NEDD4L: variants seen among roughly 807,000 people sequenced by gnomAD.
The protein encoded by NEDD4L is NEDD4 like E3 ubiquitin protein ligase.
In NEDD4L, 54 loss-of-function variants were observed where a neutral mutation model predicts 148.9. The observed-to-expected ratio is 0.36, with a 90% confidence interval of 0.29 to 0.45. The LOEUF (loss-of-function observed/expected upper bound fraction) is 0.45, where lower values mean the gene tolerates loss of function less well. Among genes scored for constraint, NEDD4L ranks in the 20% least tolerant of loss-of-function variants. NEDD4L has a pLI of 1.00. For missense variants in NEDD4L, 856 were observed against 1,233.8 expected, an observed-to-expected ratio of 0.69 and a Z score of 4.59; for synonymous variants, 433 against 440.7, an observed-to-expected ratio of 0.98 and a Z score of 0.22.
At chr18:58,046,202 G>C (rs189150295) in intron 1 of NEDD4L, among the ~76,000 whole-genome samples, 8 of 152,264 alleles carry the variant, frequency 5.3e-5, no homozygotes, top group Admixed American at 1.3e-4. Flanking sequence ...TTCCCGTTTT[G>C]TGTAACTACC....
At chr18:58,194,503 G>A (rs2040453818) in intron 2 of NEDD4L, among the ~76,000 whole-genome samples, 1 of 152,144 alleles carries the variant, frequency 6.6e-6, no homozygotes, top group Admixed American at 6.5e-5. Flanking sequence ...CAACACTCTT[G>A]GCTCTTAAAA....
chr18:58,274,014 ACG>A (rs2051478299), intron 5 of NEDD4L, among the ~76,000 whole-genome samples: 1 of 151,884 alleles, frequency 6.6e-6, no homozygotes, highest in Non-Finnish European at 1.5e-5. Flanking sequence ...CCCTTTCTAC[ACG>A]TAGCCTTTCA....
intron 2 of NEDD4L, among the ~76,000 whole-genome samples, chr18:58,232,616 T>G (rs191185451): frequency 3.2e-4 from 49 of 152,336 alleles, no homozygotes; most frequent in African/African-American, 1.2e-3. Context: ...TGTGTCGGGA[T>G]ATAGGGGGCA....
At position 58,154,714 on chromosome 18, in the gene NEDD4L, G is replaced by A. The variant is rs117256093; in HGVS notation, c.49-11074G>A. ...AGGCACGAGAATCGCTTGAACCCAG[G>A]GAGGCGGAGGTTGTAGTGATCCAAG... On this transcript the variant is annotated intron_variant, in intron 1 of 30. Transcript: ENST00000400345. Among the ~76,000 whole-genome samples, 445 of 152,318 alleles carry A rather than the reference G, an allele frequency of 2.9e-3. 1 individual carries two copies. Among genetic ancestry groups the A allele is most frequent in the Non-Finnish European group, 4.8e-3 (324 of 68,028 alleles).
Position 58,195,991 on chromosome 18 carries a change from T to C in NEDD4L, c.122+30130T>C, listed in dbSNP as rs563742921. Among the ~76,000 whole-genome samples the C allele has an allele frequency of 3.9e-5, 6 of 152,370 alleles. No individual in the cohort carries two copies. The East Asian group carries it at 1.2e-3, about 29-fold the overall frequency. On this transcript the variant is annotated intron_variant, in intron 2 of 30. Coordinates refer to ENST00000400345, the MANE Select transcript of NEDD4L (RefSeq NM_001144967.3). ...ATCATCTTGTTTCTAACCTCTTTTC[T>C]TCAGGGTGGTGCAGTCAAAAATTAC...
At chr18:58,336,269 C>T (rs773514384) in intron 13 of NEDD4L, among the ~76,000 whole-genome samples, 1 of 152,170 alleles carries the variant, frequency 6.6e-6, no homozygotes, top group African/African-American at 2.4e-5. Context: ...ATGCTTCGCA[C>T]TGCAATAGCT....
At chr18:58,152,312 G>A (rs1457436993) in intron 1 of NEDD4L, among the ~76,000 whole-genome samples, 1 of 152,190 alleles carries the variant, frequency 6.6e-6, no homozygotes, top group Non-Finnish European at 1.5e-5. Context: ...ACAGTTCCAG[G>A]TGCTCTTCCA....
intron 19 of NEDD4L, 151 bp from the exon 20 acceptor site, chr18:58,364,117 G>C: frequency 1.6e-6 from 1 of 631,390 alleles, no homozygotes; most frequent in South Asian, 1.8e-5. Context: ...CCCCTGTGCT[G>C]TGTAGACATT....
At chr18:58,175,456 A>G (rs1303442909) in intron 2 of NEDD4L, among the ~76,000 whole-genome samples, 2 of 151,634 alleles carry the variant, frequency 1.3e-5, no homozygotes, top group Non-Finnish European at 2.9e-5. Context: ...TTCCTCCCCC[A>G]TTGAGGAGCA....
intron 1 of NEDD4L, among the ~76,000 whole-genome samples, chr18:58,056,996 A>G (rs2082117430): frequency 1.3e-5 from 2 of 150,056 alleles, no homozygotes; most frequent in African/African-American, 4.9e-5. Context: ...CAGGGCCCAC[A>G]GAGGCTGAGA....
intron 5 of NEDD4L, among the ~76,000 whole-genome samples, chr18:58,264,195 C>T (rs2049884773): frequency 6.6e-6 from 1 of 151,846 alleles, no homozygotes; most frequent in Non-Finnish European, 1.5e-5. Context: ...TTATAAAATC[C>T]AGAAACGATG....
Position 58,256,142 on chromosome 18 carries a change from G to T in NEDD4L, c.297+4088G>T, listed in dbSNP as rs1175319060. 1.1e-4 allele frequency: 139 copies of T among 1,223,250 alleles called. No individual in the cohort carries two copies. Among genetic ancestry groups the T allele is most frequent in the Non-Finnish European group, 1.4e-4 (134 of 982,686 alleles). 75.8% of individuals were successfully genotyped at this position (1,223,250 alleles called of 1,614,324 possible). A position where few individuals can be genotyped will look rare whatever the true frequency, so the allele number is the denominator to read the frequency against. ...CCGGGACCCAGGGCTCCAGGTCAAC[G>T]GCACGTGCGGCCGCCGCGTGCGGTG... On this transcript the variant is annotated intron_variant, in intron 5 of 30. Transcript: ENST00000400345. This position sits in a 1 kb window ranked among gnomAD's most constrained non-coding sequence, Gnocchi z 5.2.
At chr18:58,059,228 C>T (rs2082219059) in intron 1 of NEDD4L, among the ~76,000 whole-genome samples, 1 of 152,076 alleles carries the variant, frequency 6.6e-6, no homozygotes, top group Non-Finnish European at 1.5e-5. Flanking sequence ...CGTGCTCAGC[C>T]CCTCCTCCTA....
chr18:58,291,927 C>A (rs1237349045), intron 5 of NEDD4L, among the ~76,000 whole-genome samples: 1 of 152,164 alleles, frequency 6.6e-6, no homozygotes, highest in Non-Finnish European at 1.5e-5. Flanking sequence ...GAAAAGCAAC[C>A]CCAGTTCTCT....
intron 1 of NEDD4L, among the ~76,000 whole-genome samples, chr18:58,149,745 A>G (rs138437587): frequency 2.0e-3 from 299 of 152,308 alleles, no homozygotes; most frequent in African/African-American, 5.7e-3. Flanking sequence ...TTCAAACCTC[A>G]GGGTTTATTT....
intron 2 of NEDD4L, among the ~76,000 whole-genome samples, chr18:58,173,040 G>C (rs1003862291): frequency 1.3e-5 from 2 of 152,118 alleles, no homozygotes; most frequent in African/African-American, 4.8e-5. Context: ...TTTAGAATAG[G>C]TATATTTTGC....
intron 2 of NEDD4L, among the ~76,000 whole-genome samples, chr18:58,218,135 T>TA (rs2043339358): frequency 6.6e-6 from 1 of 152,268 alleles, no homozygotes; most frequent in Non-Finnish European, 1.5e-5. Context: ...ATGCTTTTCT[T>TA]ATTCCTTTTG....
At chr18:58,233,744 G>A (rs1378624028) in intron 2 of NEDD4L, among the ~76,000 whole-genome samples, 4 of 152,182 alleles carry the variant, frequency 2.6e-5, no homozygotes, top group Admixed American at 2.6e-4. Context: ...TGAACTAGGT[G>A]GCTAACAACA....
At chr18:58,229,270 A>G (rs2044763482) in intron 2 of NEDD4L, among the ~76,000 whole-genome samples, 1 of 152,222 alleles carries the variant, frequency 6.6e-6, no homozygotes, top group South Asian at 2.1e-4. Context: ...TTACATTGAG[A>G]TGGCACATGT....
Sources: allele counts gnomAD v4.1 joint callset (sites outside exome capture counted in the v4.1 genomes callset), GRCh38; gene constraint gnomAD v4.1.1; non-coding constraint Gnocchi (gnomAD v3.1); transcripts MANE v1.5; gene names NCBI Gene and HGNC (gene_info 2026-07-23, HGNC 2026-07-21).